Variants in GRXCR1 observed in about 807,000 individuals in gnomAD.
The protein encoded by GRXCR1 is glutaredoxin and cysteine rich domain containing 1, also known as glutaredoxin domain-containing cysteine-rich protein 1.
GRXCR1 carries 27 observed loss-of-function variants against 27.3 expected under a neutral mutation model. The observed-to-expected ratio is 0.99, with a 90% confidence interval of 0.73 to 1.37. The LOEUF is 1.37. Ranked by LOEUF, GRXCR1 falls within the 40% of genes most tolerant of loss-of-function variation. The pLI is 0.00. For missense variants in GRXCR1, 379 were observed against 354.4 expected (o/e 1.07, Z -0.56); for synonymous variants, 122 against 131.1 (o/e 0.93, Z 0.47).
At chr4:43,022,761 AC>A (rs1713134904) in intron 3 of GRXCR1, among the ~76,000 whole-genome samples, 1 of 152,182 alleles carries the variant, frequency 6.6e-6, no homozygotes, top group Non-Finnish European at 1.5e-5. Context: ...ACAGATCCAA[AC>A]CGATCCCACT....
intron 1 of GRXCR1, among the ~76,000 whole-genome samples, chr4:42,960,089 A>G (rs1748097598): frequency 6.6e-6 from 1 of 151,968 alleles, no homozygotes; most frequent in African/African-American, 2.4e-5. Context: ...AGACACAGAA[A>G]GGTGGTATAC....
chr4:42,935,120 T>G (rs977074819), intron 1 of GRXCR1, among the ~76,000 whole-genome samples: 1 of 151,976 alleles, frequency 6.6e-6, no homozygotes, highest in Non-Finnish European at 1.5e-5. Context: ...ATGTACCATA[T>G]GTTAAACATT....
intron 1 of GRXCR1, among the ~76,000 whole-genome samples, chr4:42,918,609 G>T (rs1042203975): frequency 2.0e-5 from 3 of 152,228 alleles, no homozygotes; most frequent in Admixed American, 2.0e-4. Context: ...TATTTATTCT[G>T]ATATCTGCTG....
chr4:42,895,855 C>T (rs949182904), intron 1 of GRXCR1, among the ~76,000 whole-genome samples: 1 of 151,870 alleles, frequency 6.6e-6, no homozygotes, highest in African/African-American at 2.4e-5. Flanking sequence ...ATTCCTATAC[C>T]CTTTACCAGA....
At chr4:42,919,703 G>C (rs1307309553) in intron 1 of GRXCR1, among the ~76,000 whole-genome samples, 1 of 151,972 alleles carries the variant, frequency 6.6e-6, no homozygotes, top group African/African-American at 2.4e-5. Flanking sequence ...ACTGGGTCAG[G>C]GGAAACAAGG....
At chr4:42,922,604 GA>G (rs1306123668) in intron 1 of GRXCR1, among the ~76,000 whole-genome samples, 1 of 152,120 alleles carries the variant, frequency 6.6e-6, no homozygotes, top group Non-Finnish European at 1.5e-5. Flanking sequence ...ATTAGGGCAA[GA>G]ATGAAGTCCT....
intron 1 of GRXCR1, among the ~76,000 whole-genome samples, chr4:42,925,277 G>T (rs1021253276): frequency 1.3e-5 from 2 of 151,988 alleles, no homozygotes; most frequent in African/African-American, 4.8e-5. Flanking sequence ...TGAAGAATTG[G>T]TTGGGGGGCA....
intron 1 of GRXCR1, among the ~76,000 whole-genome samples, chr4:42,895,912 C>A (rs1053994902): frequency 2.0e-5 from 3 of 151,992 alleles, no homozygotes; most frequent in Non-Finnish European, 4.4e-5. Flanking sequence ...GCAAAGTAAG[C>A]GGTAAACTTG....
intron 1 of GRXCR1, among the ~76,000 whole-genome samples, chr4:42,923,893 T>G (rs1020936402): frequency 8.5e-5 from 13 of 152,218 alleles, no homozygotes; most frequent in Admixed American, 7.9e-4. Context: ...AGTTTCAAGA[T>G]GCTGGTGAGG....
intron 1 of GRXCR1, among the ~76,000 whole-genome samples, chr4:42,946,523 T>C (rs1747747847): frequency 6.6e-6 from 1 of 152,182 alleles, no homozygotes; most frequent in African/African-American, 2.4e-5. Context: ...TATAACAAAA[T>C]ACCCTTGACT....
chr4:42,987,222 TTATATATTATATATATATA>T (rs1711773872), intron 2 of GRXCR1, among the ~76,000 whole-genome samples: 1 of 100,594 alleles, frequency 9.9e-6, no homozygotes, highest in African/African-American at 3.8e-5. Flanking sequence ...TATATATATA[TTATATATTATATATATATA>T]ATATATAATA....
Position 42,927,304 on chromosome 4 carries a change from G to A in GRXCR1, c.384+33654G>A, listed in dbSNP as rs115591664. ...AATATCCAAGGGGAAACCAAATATGGAAGACAAATGCTGGAGATGATGCTA... is the reference window on the plus strand; with the variant it reads ...AATATCCAAGGGGAAACCAAATATGAAAGACAAATGCTGGAGATGATGCTA... On this transcript the variant is annotated intron_variant, in intron 1 of 3. Coordinates refer to ENST00000399770, the MANE Select transcript of GRXCR1 (RefSeq NM_001080476.3). 5.5e-3 allele frequency among the ~76,000 whole-genome samples: 832 copies of A among 152,064 alleles called. 8 individuals are homozygous for A. The highest frequency in any genetic ancestry group is 0.027 in the Middle Eastern group (8 of 294).
intron 2 of GRXCR1, among the ~76,000 whole-genome samples, chr4:43,018,910 G>A (rs7678216): frequency 0.07 from 10,631 of 152,124 alleles, 1,136 homozygotes; most frequent in African/African-American, 0.23. Flanking sequence ...ACCAATAAAT[G>A]AAGAGATATA....
intron 2 of GRXCR1, among the ~76,000 whole-genome samples, chr4:42,987,865 A>AT (rs1224180092): frequency 6.6e-6 from 1 of 152,220 alleles, no homozygotes; most frequent in African/African-American, 2.4e-5. Context: ...CTAGGCTTCT[A>AT]TGACACAGAA....
intron 1 of GRXCR1, among the ~76,000 whole-genome samples, chr4:42,923,985 G>T (rs1747083331): frequency 6.6e-6 from 1 of 152,064 alleles, no homozygotes; most frequent in South Asian, 2.1e-4. Flanking sequence ...CATCATTGCA[G>T]TTATTGGTAA....
chr4:42,952,846 A>G (rs1454054194), intron 1 of GRXCR1, among the ~76,000 whole-genome samples: 1 of 152,162 alleles, frequency 6.6e-6, no homozygotes, highest in Admixed American at 6.6e-5. Flanking sequence ...CTAATAATTC[A>G]TATCCCTTTG....
At chr4:42,916,692 T>C (rs1001016683) in intron 1 of GRXCR1, among the ~76,000 whole-genome samples, 6 of 152,136 alleles carry the variant, frequency 3.9e-5, no homozygotes, top group Admixed American at 6.5e-5. Context: ...CATTTTACTA[T>C]GGTATTATCC....
chr4:43,003,294 A>G (rs575128369), intron 2 of GRXCR1, among the ~76,000 whole-genome samples: 375 of 152,340 alleles, frequency 2.5e-3, no homozygotes, highest in Non-Finnish European at 3.9e-3. Flanking sequence ...CCTAAAACTT[A>G]AAGTATAATA....
intron 1 of GRXCR1, among the ~76,000 whole-genome samples, chr4:42,944,603 G>T (rs557422880): frequency 6.6e-6 from 1 of 152,176 alleles, no homozygotes; most frequent in South Asian, 2.1e-4. Flanking sequence ...ACCAGAATCA[G>T]TTATAAATCA....
Sources: gnomAD v4.1 joint callset for allele counts (sites outside exome capture counted in the v4.1 genomes callset) on GRCh38, gnomAD v4.1.1 for gene constraint, MANE v1.5 for transcripts, NCBI Gene and HGNC (gene_info 2026-07-23, HGNC 2026-07-21) for gene names.